The following CLSPN variants were observed in gnomAD, a reference collection of about 807,000 sequenced individuals.
CLSPN encodes claspin, also known as claspin homolog.
CLSPN carries 85 observed loss-of-function variants against 156.3 expected under a neutral mutation model. The ratio of observed to expected loss-of-function variants is 0.54; its 90% CI spans 0.46 to 0.65. CLSPN has a LOEUF of 0.65. Among genes scored for constraint, CLSPN ranks in the 30% least tolerant of loss-of-function variants. The pLI is 0.00. For missense variants in CLSPN, 1,407 were observed against 1,554.9 expected (o/e 0.90, Z 1.60); for synonymous variants, 534 against 542.4 (o/e 0.98, Z 0.22).
At chr1:35,730,178 T>C (rs963276376), downstream of CLSPN, among the ~76,000 whole-genome samples, 1 of 152,214 alleles carries the variant, frequency 6.6e-6, no homozygotes, top group Admixed American at 6.5e-5. Flanking sequence ...TTCACAGCAC[T>C]TACAGTCTAG....
At chr1:35,725,429 C>G (rs12034163) in intron 24 of CLSPN, among the ~76,000 whole-genome samples, 24,957 of 152,080 alleles carry the variant, frequency 0.16, 3,379 homozygotes, top group East Asian at 0.71. Flanking sequence ...GACGGAGAAG[C>G]TGAAGTGAAG....
At chr1:35,757,414 G>A (rs544191814) in intron 8 of CLSPN, among the ~76,000 whole-genome samples, 10 of 152,190 alleles carry the variant, frequency 6.6e-5, no homozygotes, top group South Asian at 6.2e-4. Context: ...CCCAAATTTC[G>A]TGTCAATTAT....
chr1:35,721,510 C>A (rs901439618), intron 24 of CLSPN, among the ~76,000 whole-genome samples: 19 of 152,284 alleles, frequency 1.2e-4, no homozygotes, highest in Admixed American at 1.0e-3. Flanking sequence ...GCCTCAGCCT[C>A]CCGAGTAGCT....
In CLSPN at chr1:35,737,370, A is replaced by C. The variant is rs752088207; in HGVS notation, c.3716T>G (p.Phe1239Cys). 2 of 1,614,128 alleles carry C rather than the reference A, an allele frequency of 1.2e-6. No individual in the cohort carries two copies. Among genetic ancestry groups the C allele is most frequent in the Non-Finnish European group, 1.7e-6 (2 of 1,179,974 alleles). The change falls in exon 23 of 25, where the codon TTT becomes TGT. Residue 1239 changes from phenylalanine to cysteine, a missense_variant. Physicochemically the swap from Phe to Cys is radical, Grantham distance 205 (BLOSUM62 -2). Coordinates refer to ENST00000318121, the MANE Select transcript of CLSPN (RefSeq NM_022111.4). ...QESKSLLRNP[F>C]EAIRPGSAQQ... ...AGCACTTCCTGGTCTGATGGCTTCA[A>C]AAGGATTTCTGAGCAAAGACTTTGA...
intron 22 of CLSPN, 148 bp downstream of exon 22, chr1:35,737,844 T>C (rs981266824): frequency 4.5e-6 from 2 of 449,222 alleles, no homozygotes; most frequent in Admixed American, 7.5e-5. Context: ...GTACACTGTC[T>C]CCCACCACCT....
intron 12 of CLSPN, 194 bp from the exon 13 acceptor site, chr1:35,748,798 A>T: frequency 9.8e-6 from 5 of 511,702 alleles, no homozygotes; most frequent in Non-Finnish European, 7.4e-6. Flanking sequence ...TATTACTCTG[A>T]GCTAAGTGAC....
In CLSPN at chr1:35,736,047, G is replaced by A. The variant is rs1175162933; in HGVS notation, c.*449C>T. ...AGCCTGGCCAACATGGTGAAACCCC[G>A]TCTCTACTAAAAATACAAAAATTAG... On this transcript the variant is annotated 3_prime_UTR_variant, in exon 25 of 25. Transcript: ENST00000318121. 86 of 637,746 alleles carry A rather than the reference G, an allele frequency of 1.3e-4. No individual in the cohort carries two copies. Among genetic ancestry groups the A allele is most frequent in the South Asian group, 2.8e-4 (4 of 14,324 alleles). 39.5% of individuals were successfully genotyped at this position (637,746 alleles called of 1,614,324 possible). A position where few individuals can be genotyped will look rare whatever the true frequency, so the allele number is the denominator to read the frequency against.
At chr1:35,742,743 C>CT (rs563818822) in intron 18 of CLSPN, among the ~76,000 whole-genome samples, 470 of 130,590 alleles carry the variant, frequency 3.6e-3, no homozygotes, top group South Asian at 5.6e-3. Context: ...AAGTGATCAA[C>CT]TTTTTTTTTT....
intron 1 of CLSPN, among the ~76,000 whole-genome samples, chr1:35,767,765 C>G (rs12058760): frequency 0.11 from 16,932 of 152,132 alleles, 1,658 homozygotes; most frequent in African/African-American, 0.27. Flanking sequence ...CTTCTGGTCC[C>G]AAGCATTTCA....
intron 9 of CLSPN, among the ~76,000 whole-genome samples, chr1:35,752,089 T>C (rs1345035103): frequency 6.6e-6 from 1 of 152,156 alleles, no homozygotes; most frequent in African/African-American, 2.4e-5. Flanking sequence ...CTGGATGATA[T>C]ATATCAAAAT....
Position 35,732,402 on chromosome 1 carries a change from A to C in CLSPN, c.*4094T>G. 1 of 985,340 alleles carries C rather than the reference A, an allele frequency of 1.0e-6. No individual in the cohort carries two copies. Among genetic ancestry groups the C allele is most frequent in the Non-Finnish European group, 1.2e-6 (1 of 829,884 alleles). 61.0% of individuals were successfully genotyped at this position (985,340 alleles called of 1,614,324 possible). A position where few individuals can be genotyped will look rare whatever the true frequency, so the allele number is the denominator to read the frequency against. ...CTGAGCATTAGAAACTCTCAAAGTG[A>C]GGAGAAGTTTGTAGAGAAGCAGTTG... On this transcript the variant is annotated 3_prime_UTR_variant, in exon 25 of 25. Transcript: ENST00000318121.
intron 24 of CLSPN, among the ~76,000 whole-genome samples, chr1:35,723,246 GAC>G (rs1641114212): frequency 6.6e-6 from 1 of 152,220 alleles, no homozygotes; most frequent in Admixed American, 6.5e-5. Flanking sequence ...AAGTGGCAAG[GAC>G]ACAGAAACCT....
Position 35,738,477 on chromosome 1 carries a change from C to T in CLSPN, c.3536G>A (p.Arg1179Gln), listed in dbSNP as rs1363493536. The T allele has an allele frequency of 6.2e-7, 1 of 1,613,940 alleles. No individual in the cohort carries two copies. Among genetic ancestry groups the T allele is most frequent in the Admixed American group, 1.7e-5 (1 of 60,000 alleles). The change falls in exon 21 of 25, where the codon CGA (arginine) becomes CAA (glutamine). Residue 1179 changes from arginine to glutamine, a missense_variant. By Grantham distance (43) the Arg-to-Gln change is conservative. This residue lies in a region of CLSPN where 241 missense variants were observed against 240.5 expected (regional missense o/e 1.00). Transcript: ENST00000318121. ...EARWRKERIE[R>Q]EQWLRDMAQQ... ...TACCATGTCCCGAAGCCACTGCTCT[C>T]GTTCAATTCGCTCCTTCCTCCACCT...
intron 22 of CLSPN, 41 bp from the exon 23 acceptor site, chr1:35,737,462 G>C: frequency 6.8e-7 from 1 of 1,472,258 alleles, no homozygotes. Flanking sequence ...GGGAAAAGCT[G>C]ATTAGAATTA....
rs1338756068 is a variant in CLSPN at position 35,733,894 on chromosome 1, T to C, written c.*2602A>G. 1 of 650,798 alleles carries C rather than the reference T, an allele frequency of 1.5e-6. No homozygotes were observed. The highest frequency in any genetic ancestry group is 2.0e-5 in the African/African-American group (1 of 50,684). 40.3% of individuals were successfully genotyped at this position (650,798 alleles called of 1,614,324 possible). A position where few individuals can be genotyped will look rare whatever the true frequency, so the allele number is the denominator to read the frequency against. On this transcript the variant is annotated 3_prime_UTR_variant, in exon 25 of 25. Transcript: ENST00000318121. ...TATTCCAAAGGTTGAGGAAGGAGGA[T>C]GCTGAAGCCCAGGAGTTCAAGGGTA...
rs367894976 is a variant in CLSPN, at chr1:35,749,435, AT to A, written c.2272+31del. ...ATATCAAAGCTGAGGGACAAAAGAAATGTTAAGTTCTGCACAAGAATCACTA... is the reference window on the plus strand; with the variant it reads ...ATATCAAAGCTGAGGGACAAAAGAAAGTTAAGTTCTGCACAAGAATCACTA... On this transcript the variant is annotated intron_variant, in intron 12 of 24. Transcript: ENST00000318121. 4.6e-5 allele frequency: 73 copies of A among 1,604,296 alleles called. No homozygotes were observed. The African/African-American group carries it at 7.9e-4, about 17-fold the overall frequency.
chr1:35,751,994 A>C (rs578168667), intron 9 of CLSPN, among the ~76,000 whole-genome samples: 1 of 152,294 alleles, frequency 6.6e-6, no homozygotes, highest in African/African-American at 2.4e-5. Context: ...CCTGGCAAAA[A>C]TTAGAAGGTT....
At chr1:35,726,759 A>G (rs952253671) in intron 24 of CLSPN, among the ~76,000 whole-genome samples, 3 of 152,356 alleles carry the variant, frequency 2.0e-5, no homozygotes, top group African/African-American at 7.2e-5. Flanking sequence ...GGGGGATCCC[A>G]GGCACGGAGC....
intron 24 of CLSPN, among the ~76,000 whole-genome samples, chr1:35,722,455 G>A (rs1641094442): frequency 6.6e-6 from 1 of 151,876 alleles, no homozygotes; most frequent in Non-Finnish European, 1.5e-5. Context: ...TCACCATGTT[G>A]ACCAGGCTGG....
Sources: gnomAD v4.1 joint callset for allele counts (sites outside exome capture counted in the v4.1 genomes callset) on GRCh38, gnomAD v4.1.1 for gene constraint, gnomAD v4.1.1 regional missense constraint, MANE v1.5 for transcripts, NCBI Gene and HGNC (gene_info 2026-07-23, HGNC 2026-07-21) for gene names.